The following HADHA variants were observed in gnomAD, a reference collection of about 807,000 sequenced individuals.
HADHA encodes trifunctional enzyme subunit alpha, mitochondrial.
HADHA carries 59 observed loss-of-function variants against 91.3 expected under a neutral mutation model. The ratio of observed to expected loss-of-function variants is 0.65; its 90% confidence interval spans 0.52 to 0.80. The LOEUF (loss-of-function observed/expected upper bound fraction) is 0.80. Ranked by LOEUF, HADHA falls within the 30% of genes least tolerant of loss-of-function variation. The pLI is 0.00. For synonymous variants in HADHA, 320 were observed against 338.9 expected (o/e 0.94, Z 0.61); for missense variants, 800 against 927.6 (o/e 0.86, Z 1.79).
Position 26,192,374 on chromosome 2 carries a change from T to C in HADHA, c.1936A>G (p.Lys646Glu). The change falls in exon 18 of 20, where the codon AAG becomes GAG. Residue 646 changes from lysine to glutamate, a missense_variant. Lys to Glu is a moderately conservative substitution (Grantham distance 56, BLOSUM62 1). Transcript: ENST00000380649. ...CTATCCATGTCAGAATTCAAATCCT[T>C]CCTCTTCACACCCTCCTGATAGATG... ...FYIYQEGVKRKDLNSDMDSIL... is the reference protein window; with the variant it reads ...FYIYQEGVKREDLNSDMDSIL... 2 of 1,610,556 alleles carry C rather than the reference T, an allele frequency of 1.2e-6. No individual in the cohort carries two copies. The highest frequency in any genetic ancestry group is 1.7e-6 in the Non-Finnish European group (2 of 1,176,750).
chr2:26,224,517 A>T (rs1410451209), intron 7 of HADHA, among the ~76,000 whole-genome samples: 1 of 152,228 alleles, frequency 6.6e-6, no homozygotes, highest in Non-Finnish European at 1.5e-5. Context: ...CTTATCATCT[A>T]ATATAAGATG....
intron 5 of HADHA, among the ~76,000 whole-genome samples, chr2:26,233,744 C>T (rs1473392147): frequency 6.6e-6 from 1 of 152,186 alleles, no homozygotes; most frequent in African/African-American, 2.4e-5. Context: ...TGCTCTGTGT[C>T]ATGTGGATTA....
chr2:26,200,485 G>A (rs1574607313), intron 13 of HADHA, among the ~76,000 whole-genome samples: 2 of 152,158 alleles, frequency 1.3e-5, no homozygotes, highest in Admixed American at 1.3e-4. Context: ...GCATCTGGAC[G>A]AACTGTCTTC....
chr2:26,231,362 T>A (rs769767317), intron 6 of HADHA, among the ~76,000 whole-genome samples: 1 of 152,192 alleles, frequency 6.6e-6, no homozygotes, highest in Non-Finnish European at 1.5e-5. Context: ...GCCCTTGAGT[T>A]GACATTAAGA....
intron 11 of HADHA, among the ~76,000 whole-genome samples, chr2:26,207,321 T>G (rs1405370349): frequency 7.2e-6 from 1 of 138,474 alleles, no homozygotes; most frequent in Non-Finnish European, 1.5e-5. Context: ...TTTAGTAGGT[T>G]TTTTTTTTTT....
At position 26,195,900 on chromosome 2, in the gene HADHA, G is replaced by A. The variant is rs570778845; in HGVS notation, c.1480-668C>T. Among the ~76,000 whole-genome samples the A allele has an allele frequency of 1.1e-4, 17 of 152,274 alleles. No homozygotes were observed. In the East Asian group the frequency reaches 1.5e-3, roughly 14 times the overall value. On this transcript the variant is annotated intron_variant, in intron 14 of 19. Coordinates refer to ENST00000380649, the MANE Select transcript of HADHA (RefSeq NM_000182.5). ...TAATCCCTCCTGGTGATTCTGATGC[G>A]TGCTAAGGTTTCAGAGAAACCCCTC...
At position 26,230,292 on chromosome 2, in the gene HADHA, C is replaced by T; in HGVS notation, c.576G>A (p.Val192=). The change falls in exon 7 of 20, where the codon GTG becomes GTA. Residue 192 remains valine, a splice_region_variant and synonymous_variant. Coordinates refer to ENST00000380649, the MANE Select transcript of HADHA (RefSeq NM_000182.5). ...TCATGTCCAAAGCAGCAGGCACACC[C>T]ACCTAACAGGCAAGCAAGGATGAGA... is the stretch of plus-strand genomic sequence containing the variant. ...AGGTQRLPKM[V]GVPAALDMML... is the part of the protein sequence containing the mutation. 1 of 1,600,544 alleles carries T rather than the reference C, an allele frequency of 6.2e-7. No individual in the cohort carries two copies. The highest frequency in any genetic ancestry group is 8.6e-7 in the Non-Finnish European group (1 of 1,167,750).
chr2:26,238,906 G>GA (rs1223483283), intron 3 of HADHA, 28 bp downstream of exon 3: 7 of 1,472,170 alleles, frequency 4.8e-6, no homozygotes, highest in East Asian at 2.3e-5. Context: ...GCGGTTAGCA[G>GA]AAAAAAACTG....
chr2:26,220,536 C>T (rs1436713871), intron 7 of HADHA, among the ~76,000 whole-genome samples: 2 of 152,210 alleles, frequency 1.3e-5, no homozygotes, highest in African/African-American at 2.4e-5. Context: ...CAGATGGATC[C>T]TATAGAATGA....
chr2:26,242,440 CTA>C (rs1353177825), intron 1 of HADHA, among the ~76,000 whole-genome samples: 1 of 152,158 alleles, frequency 6.6e-6, no homozygotes. Flanking sequence ...ATTTATGTGT[CTA>C]TATATTTCTA....
chr2:26,191,396 C>CTGAA lies in HADHA; in HGVS notation c.2147-5_2147-2dup. ...TACAGATCCACAAAGCGGAAAGGCC[C>CTGAA]TGAATAGAGAAAGAGGACTTCGTTG... On this transcript the variant is annotated splice_acceptor_variant, in intron 19 of 19. Coordinates refer to ENST00000380649, the MANE Select transcript of HADHA (RefSeq NM_000182.5). LOFTEE classifies it high-confidence loss of function. 1 of 1,614,160 alleles carries CTGAA rather than the reference C, an allele frequency of 6.2e-7. No homozygotes were observed. The highest frequency in any genetic ancestry group is 1.3e-5 in the African/African-American group (1 of 75,026).
intron 4 of HADHA, among the ~76,000 whole-genome samples, chr2:26,235,629 T>C (rs1220835851): frequency 6.6e-6 from 1 of 152,246 alleles, no homozygotes; most frequent in Non-Finnish European, 1.5e-5. Flanking sequence ...GTTTTTCTTC[T>C]AGCTGAATTA....
In HADHA at chr2:26,236,999, G is replaced by A; in HGVS notation, c.181-11C>T. The A allele has an allele frequency of 6.3e-7, 1 of 1,593,774 alleles. No homozygotes were observed. Among genetic ancestry groups the A allele is most frequent in the Non-Finnish European group, 8.6e-7 (1 of 1,161,506 alleles). ...ACTCAGTGTATTTACCTGCCAAAGG[G>A]AAATATATACAGGTAAGGGTTTAAA... On this transcript the variant is annotated splice_polypyrimidine_tract_variant and intron_variant, in intron 3 of 19. Transcript: ENST00000380649.
intron 4 of HADHA, among the ~76,000 whole-genome samples, chr2:26,234,594 G>A (rs1221608316): frequency 2.0e-5 from 3 of 151,986 alleles, no homozygotes; most frequent in East Asian, 1.9e-4. Context: ...GTGAAACCCC[G>A]TCTCTACTAA....
intron 5 of HADHA, among the ~76,000 whole-genome samples, chr2:26,233,044 C>T (rs941670977): frequency 6.6e-6 from 1 of 152,140 alleles, no homozygotes; most frequent in African/African-American, 2.4e-5. Context: ...CAATGGAGTG[C>T]GCAACCTGGA....
chr2:26,196,550 G>A (rs992033355), intron 14 of HADHA, among the ~76,000 whole-genome samples: 1 of 152,136 alleles, frequency 6.6e-6, no homozygotes, highest in Non-Finnish European at 1.5e-5. Flanking sequence ...AACTCATCCT[G>A]GATGGCTGGG....
chr2:26,215,093 A>T lies in HADHA; in HGVS notation c.759T>A (p.Asp253Glu), dbSNP rs780971801. ...VAITFAKGLA[D>E]KKISPKRDKG... ...TGTCTCTCTTTGGAGAGATCTTCTT[A>T]TCAGCTAGTCCTTTGGCAAAAGTAA... Residue 253 changes from aspartate (D) to glutamate (E), a missense_variant, in exon 8 of 20, where the codon GAT (aspartate) becomes GAA (glutamate). Physicochemically the swap from Asp to Glu is conservative, Grantham distance 45 (BLOSUM62 2). Transcript: ENST00000380649. 6.2e-7 allele frequency: 1 copy of T among 1,608,660 alleles called. No homozygotes were observed. Among genetic ancestry groups the T allele is most frequent in the South Asian group, 1.1e-5 (1 of 90,962 alleles).
chr2:26,203,847 A>G (rs1020701277), intron 12 of HADHA, among the ~76,000 whole-genome samples: 7 of 152,244 alleles, frequency 4.6e-5, no homozygotes, highest in Admixed American at 4.6e-4. Context: ...TATGATATCT[A>G]TAACAAAACG....
At chr2:26,237,809 CATAT>C (rs1670797507) in intron 3 of HADHA, among the ~76,000 whole-genome samples, 1 of 152,082 alleles carries the variant, frequency 6.6e-6, no homozygotes, top group Non-Finnish European at 1.5e-5. Flanking sequence ...CTACCATTGA[CATAT>C]ATTACTTTTG....
Sources: allele counts gnomAD v4.1 joint callset (sites outside exome capture counted in the v4.1 genomes callset), GRCh38; gene constraint gnomAD v4.1.1; transcripts MANE v1.5; gene names NCBI Gene and HGNC (gene_info 2026-07-23, HGNC 2026-07-21).